CLOCK: variants seen among roughly 807,000 people sequenced by gnomAD.
CLOCK encodes the protein circadian locomoter output cycles protein kaput.
In CLOCK, 43 loss-of-function variants were observed where a neutral mutation model predicts 118.4. The ratio of observed to expected loss-of-function variants is 0.36; its 90% CI spans 0.28 to 0.47. The LOEUF (loss-of-function observed/expected upper bound fraction) is 0.47. Among genes scored for constraint, CLOCK ranks in the 20% least tolerant of loss-of-function variants. The probability of loss-of-function intolerance (pLI) is 1.00; values close to 1 mark genes in which losing one functional copy is unlikely to be tolerated. For missense variants in CLOCK, 846 were observed against 999.9 expected (o/e 0.85, Z 2.08); for synonymous variants, 326 against 339.2 (o/e 0.96, Z 0.43).
At chr4:55,500,030 G>C (rs762924806) in intron 2 of CLOCK, among the ~76,000 whole-genome samples, 2 of 152,088 alleles carry the variant, frequency 1.3e-5, no homozygotes, top group East Asian at 1.9e-4. Flanking sequence ...TTTACAAATG[G>C]AGATGGTCTC....
chr4:55,471,843 C>A (rs745316187), intron 7 of CLOCK, among the ~76,000 whole-genome samples: 2 of 152,196 alleles, frequency 1.3e-5, no homozygotes, highest in East Asian at 3.9e-4. Flanking sequence ...GAAGCCAAGG[C>A]GGGAAGATCA....
rs768103694 is a variant in CLOCK, at chr4:55,450,178, A to G, written c.1261T>C (p.Leu421=). The G allele has an allele frequency of 2.5e-6, 4 of 1,613,942 alleles. No individual in the cohort carries two copies. The highest frequency in any genetic ancestry group is 1.7e-5 in the Admixed American group (1 of 59,994). ...GTTGGGCTGTGATCAAACCTTTCCAATGCTTCCTTGAGACTGACTGTGTTT... is the reference window on the plus strand; with the variant it reads ...GTTGGGCTGTGATCAAACCTTTCCAGTGCTTCCTTGAGACTGACTGTGTTT... The part of the protein sequence containing the change: ...RINTVSLKEA[L]ERFDHSPTPS... The change falls in exon 16 of 23, where the codon TTG becomes CTG. Residue 421 remains leucine, a synonymous_variant. Coordinates refer to ENST00000513440, the MANE Select transcript of CLOCK (RefSeq NM_004898.4).
At chr4:55,467,220 G>A (rs992444043) in intron 8 of CLOCK, among the ~76,000 whole-genome samples, 3 of 152,094 alleles carry the variant, frequency 2.0e-5, no homozygotes, top group African/African-American at 7.2e-5. Flanking sequence ...CTATTTCAAA[G>A]GGCAATTAAA....
intron 1 of CLOCK, among the ~76,000 whole-genome samples, chr4:55,545,121 T>C (rs768045564): frequency 5.3e-5 from 8 of 152,076 alleles, no homozygotes; most frequent in African/African-American, 1.9e-4. Flanking sequence ...ACGTGCAGGT[T>C]TGTCACATAT....
intron 19 of CLOCK, among the ~76,000 whole-genome samples, chr4:55,444,412 T>C (rs1307057755): frequency 3.3e-5 from 5 of 152,196 alleles, no homozygotes; most frequent in African/African-American, 1.2e-4. Context: ...TAAAAAAAGA[T>C]GACTGGAGAA....
chr4:55,530,150 GAAT>G (rs1730442983), intron 1 of CLOCK, among the ~76,000 whole-genome samples: 2 of 152,070 alleles, frequency 1.3e-5, no homozygotes, highest in Non-Finnish European at 1.5e-5. Context: ...GTCCAGCAAA[GAAT>G]AACAAAAACA....
chr4:55,457,108 G>A (rs1451007482), intron 11 of CLOCK, among the ~76,000 whole-genome samples: 2 of 152,086 alleles, frequency 1.3e-5, no homozygotes, highest in Non-Finnish European at 2.9e-5. Context: ...GCCTATAAAC[G>A]CTTATTCAAA....
intron 20 of CLOCK, among the ~76,000 whole-genome samples, chr4:55,442,959 A>C (rs1353146458): frequency 6.6e-6 from 1 of 152,152 alleles, no homozygotes; most frequent in Non-Finnish European, 1.5e-5. Context: ...TTTTCATTTA[A>C]ATCCTTGGGA....
intron 1 of CLOCK, among the ~76,000 whole-genome samples, chr4:55,530,768 C>A (rs1730487402): frequency 1.0e-4 from 1 of 9,936 alleles, no homozygotes; most frequent in African/African-American, 5.8e-4. Flanking sequence ...GAGCAAGACT[C>A]CATCGCAAAA....
intron 3 of CLOCK, chr4:55,486,599 A>G (rs774728385): frequency 6.6e-5 from 10 of 152,192 alleles, no homozygotes; most frequent in Admixed American, 2.0e-4. Flanking sequence ...CGTAAGTCTA[A>G]AACTGTCATT....
chr4:55,465,800 A>G (rs2109832993), intron 8 of CLOCK, among the ~76,000 whole-genome samples: 1 of 152,170 alleles, frequency 6.6e-6, no homozygotes, highest in South Asian at 2.1e-4. Context: ...AAAAACACAA[A>G]AATTAGCTGG....
intron 7 of CLOCK, among the ~76,000 whole-genome samples, chr4:55,473,529 GA>G (rs1726288884): frequency 6.6e-6 from 1 of 152,062 alleles, no homozygotes; most frequent in Admixed American, 6.5e-5. Flanking sequence ...AATACAAACA[GA>G]AAAATAACTC....
chr4:55,480,916 A>AT (rs76851628), intron 4 of CLOCK, among the ~76,000 whole-genome samples: 2 of 150,516 alleles, frequency 1.3e-5, no homozygotes, highest in East Asian at 4.0e-4. Flanking sequence ...ATGAGTTTTA[A>AT]TTTTTTTTAA....
At chr4:55,529,239 G>A (rs1322797933) in intron 1 of CLOCK, among the ~76,000 whole-genome samples, 1 of 152,098 alleles carries the variant, frequency 6.6e-6, no homozygotes. Flanking sequence ...GCTCACTACA[G>A]CCTCGAACTC....
Position 55,482,727 on chromosome 4 carries a change from T to A in CLOCK, c.47+12A>T. The A allele has an allele frequency of 6.3e-7, 1 of 1,586,554 alleles. No homozygotes were observed. The highest frequency in any genetic ancestry group is 8.6e-7 in the Non-Finnish European group (1 of 1,160,178). ...ATTATATATAACTTAAAATAAGTCT[T>A]CAAAAACATACCTGTCAACAATCGA... On this transcript the variant is annotated intron_variant, in intron 4 of 22. Transcript: ENST00000513440.
At chr4:55,448,959 T>A in intron 17 of CLOCK, 91 bp from the exon 18 acceptor site, 1 of 1,026,698 alleles carries the variant, frequency 9.7e-7, no homozygotes, top group Non-Finnish European at 1.5e-6. Flanking sequence ...TTCGTATTAA[T>A]AAACTTACCA....
intron 2 of CLOCK, among the ~76,000 whole-genome samples, chr4:55,491,858 TA>T (rs1446939571): frequency 6.6e-6 from 1 of 151,878 alleles, no homozygotes; most frequent in African/African-American, 2.4e-5. Context: ...AATGATAAAA[TA>T]AAAAAAGAAA....
In CLOCK at chr4:55,435,441, C is replaced by T. The variant is rs1013183492; in HGVS notation, c.2515G>A (p.Asp839Asn). Residue 839 changes from aspartate (D) to asparagine (N), a missense_variant, in exon 23 of 23, where the codon GAC (aspartate) becomes AAC (asparagine). Around this residue, in one of 4 missense-constraint regions of CLOCK, gnomAD observed 520 missense variants for 558.0 expected, o/e 0.93. Transcript: ENST00000513440. The part of the protein sequence containing the change: ...LSRHRTDSLP[D>N]PSKVQPQ ...TACTGTGGTTGAACCTTGGAAGGGT[C>T]GGGCAAGCTGTCAGTCCTGTGCCGG... 1.9e-6 allele frequency: 3 copies of T among 1,613,944 alleles called. No homozygotes were observed. Among genetic ancestry groups the T allele is most frequent in the Non-Finnish European group, 2.5e-6 (3 of 1,179,894 alleles).
At chr4:55,540,583 T>A (rs777061099) in intron 1 of CLOCK, 2 of 152,196 alleles carry the variant, frequency 1.3e-5, no homozygotes, top group South Asian at 4.1e-4. Context: ...CATTTTCCAC[T>A]ATTTGGACCT....
Sources: gnomAD v4.1 joint callset for allele counts (sites outside exome capture counted in the v4.1 genomes callset) on GRCh38, gnomAD v4.1.1 for gene constraint, gnomAD v4.1.1 regional missense constraint, MANE v1.5 for transcripts, NCBI Gene and HGNC (gene_info 2026-07-23, HGNC 2026-07-21) for gene names.